The following CAST variants were observed in gnomAD, a reference collection of about 807,000 sequenced individuals.
The protein encoded by CAST is calpastatin.
CAST carries 76 observed loss-of-function variants against 119.6 expected under a neutral mutation model. The observed-to-expected ratio is 0.64, with a 90% confidence interval of 0.53 to 0.77. The LOEUF (loss-of-function observed/expected upper bound fraction) is 0.77, where lower values mean the gene tolerates loss of function less well. Ranked by LOEUF, CAST falls within the 30% of genes least tolerant of loss-of-function variation. CAST has a pLI of 0.00. For missense variants in CAST, 953 were observed against 946.5 expected (o/e 1.01, Z -0.09); for synonymous variants, 319 against 331.6 (o/e 0.96, Z 0.41).
intron 1 of CAST, among the ~76,000 whole-genome samples, chr5:96,564,299 T>A (rs892707109): frequency 3.9e-5 from 6 of 152,224 alleles, no homozygotes; most frequent in African/African-American, 1.4e-4. Context: ...TTACAACAGA[T>A]GAATCTCTCA....
At chr5:96,260,286 T>C in the CAST span, among the ~76,000 whole-genome samples, 9 of 152,220 alleles carry the variant, frequency 5.9e-5, no homozygotes, top group Admixed American at 5.9e-4. Context: ...TGATCCGGTC[T>C]AGAGAATCAT....
At chr5:96,489,876 A>G in the CAST span, among the ~76,000 whole-genome samples, 1 of 152,356 alleles carries the variant, frequency 6.6e-6, no homozygotes, top group South Asian at 2.1e-4. Context: ...ACTTAGTCTA[A>G]GAACAATTAA....
At chr5:96,586,793 A>G (rs190037593) in intron 1 of CAST, among the ~76,000 whole-genome samples, 2 of 152,350 alleles carry the variant, frequency 1.3e-5, no homozygotes, top group East Asian at 3.9e-4. Context: ...TTAATTCACA[A>G]AGAGTTGAGA....
intron 10 of CAST, among the ~76,000 whole-genome samples, chr5:96,736,704 T>C (rs1761719360): frequency 6.6e-6 from 1 of 152,206 alleles, no homozygotes; most frequent in Non-Finnish European, 1.5e-5. Flanking sequence ...TAAATAATTA[T>C]TTTTCATCTA....
intron 26 of CAST, 43 bp downstream of exon 26, chr5:96,765,368 A>G: frequency 1.1e-6 from 1 of 950,752 alleles, no homozygotes; most frequent in Non-Finnish European, 1.6e-6. Flanking sequence ...CTAATAGTGA[A>G]ATTTTAATCC....
At chr5:96,759,745 A>G (rs1387501340) in intron 24 of CAST, among the ~76,000 whole-genome samples, 1 of 152,048 alleles carries the variant, frequency 6.6e-6, no homozygotes, top group Non-Finnish European at 1.5e-5. Context: ...ACAGAGTAAT[A>G]TAATAATATA....
chr5:96,596,943 C>T (rs560103124), intron 1 of CAST, among the ~76,000 whole-genome samples: 2 of 152,268 alleles, frequency 1.3e-5, no homozygotes, highest in African/African-American at 4.8e-5. Context: ...GTCTCTTCCT[C>T]TTTTTATATG....
At chr5:96,299,006 G>T in the CAST span, among the ~76,000 whole-genome samples, 1 of 151,854 alleles carries the variant, frequency 6.6e-6, no homozygotes, top group Non-Finnish European at 1.5e-5. Flanking sequence ...TTGGGAGGCC[G>T]AGGCGGATGG....
the CAST span, among the ~76,000 whole-genome samples, chr5:96,165,912 C>CTGTG: frequency 6.6e-6 from 1 of 152,172 alleles, no homozygotes; most frequent in African/African-American, 2.4e-5. Flanking sequence ...ATAACAGCTA[C>CTGTG]AAGTAGGACA....
chr5:96,353,782 CT>C, the CAST span, among the ~76,000 whole-genome samples: 1 of 151,420 alleles, frequency 6.6e-6, no homozygotes, highest in Non-Finnish European at 1.5e-5. Flanking sequence ...ACAAACTTTC[CT>C]GGTTCTTCAG....
chr5:96,252,000 G>A, the CAST span, among the ~76,000 whole-genome samples: 2 of 152,182 alleles, frequency 1.3e-5, no homozygotes, highest in African/African-American at 4.8e-5. Flanking sequence ...TTGTCTTTCT[G>A]AAATAGACAA....
At chr5:96,316,300 T>C in the CAST span, among the ~76,000 whole-genome samples, 3 of 152,180 alleles carry the variant, frequency 2.0e-5, no homozygotes, top group Non-Finnish European at 4.4e-5. Flanking sequence ...CAATATATAA[T>C]AGAGCTCAAA....
At chr5:96,701,990 G>A (rs1753965298) in intron 3 of CAST, among the ~76,000 whole-genome samples, 1 of 152,094 alleles carries the variant, frequency 6.6e-6, no homozygotes, top group Admixed American at 6.5e-5. Flanking sequence ...GCCTGGTGGG[G>A]TACAAAGCTG....
the CAST span, among the ~76,000 whole-genome samples, chr5:96,454,823 A>G: frequency 6.6e-6 from 1 of 152,246 alleles, no homozygotes; most frequent in Admixed American, 6.5e-5. Flanking sequence ...TCCAATAACC[A>G]TCAAAGATAA....
At chr5:96,468,821 A>T in the CAST span, among the ~76,000 whole-genome samples, 1 of 152,096 alleles carries the variant, frequency 6.6e-6, no homozygotes, top group Non-Finnish European at 1.5e-5. Flanking sequence ...CTGTCTGACA[A>T]CATGGAGAGA....
chr5:96,051,221 A>G, the CAST span, among the ~76,000 whole-genome samples: 1 of 151,126 alleles, frequency 6.6e-6, no homozygotes, highest in African/African-American at 2.4e-5. Context: ...TGTGACACAC[A>G]GAGAGAGAGA....
Position 96,729,699 on chromosome 5 carries a change from C to G in CAST, c.523C>G (p.Pro175Ala), listed in dbSNP as rs1165175039. ...KAVSRSAEQQ[P>A]SEKSTEPKTK... ...AGTTTCCAGATCAGCTGAACAGCAGCCATCAGAGAAATCAACAGAACCAAA... is the reference window on the plus strand; with the variant it reads ...AGTTTCCAGATCAGCTGAACAGCAGGCATCAGAGAAATCAACAGAACCAAA... The change falls in exon 8 of 32, where the codon CCA becomes GCA. Residue 175 changes from proline to alanine, a missense_variant. Transcript: ENST00000675179. 1 of 1,548,884 alleles carries G rather than the reference C, an allele frequency of 6.5e-7. No individual in the cohort carries two copies. The highest frequency in any genetic ancestry group is 8.9e-7 in the Non-Finnish European group (1 of 1,120,860).
At chr5:96,402,036 ACTC>A in the CAST span, among the ~76,000 whole-genome samples, 1 of 151,984 alleles carries the variant, frequency 6.6e-6, no homozygotes, top group Non-Finnish European at 1.5e-5. Context: ...CCCAGTTTTT[ACTC>A]CTCAAGGTTC....
At chr5:96,622,384 A>T (rs1747629223) in intron 1 of CAST, among the ~76,000 whole-genome samples, 1 of 152,198 alleles carries the variant, frequency 6.6e-6, no homozygotes, top group African/African-American at 2.4e-5. Flanking sequence ...TTTGAAAAAC[A>T]TATTCTCCTC....
Sources: allele counts gnomAD v4.1 joint callset (sites outside exome capture counted in the v4.1 genomes callset), GRCh38; gene constraint gnomAD v4.1.1; transcripts MANE v1.5; gene names NCBI Gene and HGNC (gene_info 2026-07-23, HGNC 2026-07-21).